Variants in GTF2I observed in about 807,000 individuals in gnomAD.
The protein encoded by GTF2I is general transcription factor II-I.
Under a neutral mutation model 67.6 loss-of-function variants are expected in GTF2I, and 12 were observed. That is an observed-to-expected ratio of 0.18 (90% CI 0.11 to 0.29). The LOEUF is 0.29. Among genes scored for constraint, GTF2I ranks in the 10% least tolerant of loss-of-function variants. The pLI is 1.00. For synonymous variants in GTF2I, 149 were observed against 197.0 expected, an observed-to-expected ratio of 0.76 and a Z score of 2.04; for missense variants, 271 against 580.1, an observed-to-expected ratio of 0.47 and a Z score of 5.47.
intron 1 of GTF2I, among the ~76,000 whole-genome samples, chr7:74,663,331 G>A (rs1804681834): frequency 6.6e-6 from 1 of 152,148 alleles, no homozygotes; most frequent in African/African-American, 2.4e-5. Context: ...TGTGGCCCAG[G>A]CTGGAGTGCA....
chr7:74,675,925 G>A (rs587650142), intron 1 of GTF2I, among the ~76,000 whole-genome samples: 83 of 152,194 alleles, frequency 5.5e-4, no homozygotes, highest in African/African-American at 1.9e-3. Flanking sequence ...CAGGAGAATC[G>A]CTTGAACCCG....
intron 9 of GTF2I, among the ~76,000 whole-genome samples, chr7:74,712,470 G>A (rs1374887926): frequency 1.4e-5 from 2 of 148,128 alleles, no homozygotes; most frequent in East Asian, 2.0e-4. Flanking sequence ...GCTTTACTAC[G>A]TAAATATTCT....
intron 12 of GTF2I, chr7:74,727,247 A>G (rs1554405895): frequency 6.6e-6 from 1 of 152,226 alleles, no homozygotes; most frequent in African/African-American, 2.4e-5. Flanking sequence ...GAAGAGCCCA[A>G]AGGCAGCAAG....
At chr7:74,691,950 T>C (rs1206305187) in intron 3 of GTF2I, among the ~76,000 whole-genome samples, 3 of 149,546 alleles carry the variant, frequency 2.0e-5, no homozygotes, top group African/African-American at 4.9e-5. Flanking sequence ...CTAATTTTTG[T>C]AATTTTAGTA....
intron 3 of GTF2I, among the ~76,000 whole-genome samples, chr7:74,693,652 C>T (rs1180145212): frequency 6.6e-6 from 1 of 152,000 alleles, no homozygotes; most frequent in Non-Finnish European, 1.5e-5. Context: ...CGAGACCATC[C>T]TGGCCAACAT....
intron 3 of GTF2I, among the ~76,000 whole-genome samples, chr7:74,695,073 C>T (rs1554398045): frequency 6.6e-6 from 1 of 152,238 alleles, no homozygotes; most frequent in African/African-American, 2.4e-5. Context: ...TGCTCACAGT[C>T]ACTCACAGAG....
At chr7:74,661,011 T>C (rs1554386315) in intron 1 of GTF2I, among the ~76,000 whole-genome samples, 1 of 152,216 alleles carries the variant, frequency 6.6e-6, no homozygotes, top group African/African-American at 2.4e-5. Context: ...GTATTTTTCT[T>C]ATTTAATCTT....
intron 3 of GTF2I, among the ~76,000 whole-genome samples, chr7:74,694,536 G>A (rs1187323679): frequency 6.6e-6 from 1 of 152,070 alleles, no homozygotes; most frequent in Non-Finnish European, 1.5e-5. Flanking sequence ...GCAGTGAGCT[G>A]AGATCTCGCC....
intron 1 of GTF2I, among the ~76,000 whole-genome samples, chr7:74,665,265 T>C (rs1049204698): frequency 3.3e-5 from 5 of 151,832 alleles, no homozygotes; most frequent in Non-Finnish European, 7.4e-5. Flanking sequence ...TTATTTTTAT[T>C]TTTTGAGACA....
intron 3 of GTF2I, among the ~76,000 whole-genome samples, chr7:74,696,610 C>T (rs1044392579): frequency 5.3e-5 from 8 of 151,916 alleles, no homozygotes; most frequent in Admixed American, 6.6e-5. Context: ...CTTCTGCCTC[C>T]GCCTCCCAAG....
In GTF2I at chr7:74,700,386, A is replaced by G; in HGVS notation, c.513A>G (p.Lys171=). The G allele has an allele frequency of 6.2e-7, 1 of 1,614,182 alleles. No individual in the cohort carries two copies. Among genetic ancestry groups the G allele is most frequent in the Non-Finnish European group, 8.5e-7 (1 of 1,180,030 alleles). ...HPENYDLATL[K]WILENKAGIS... ...AGAACTATGATCTTGCAACCCTGAA[A>G]TGGATTTTGGAGAACAAAGCAGGGA... Residue 171 remains lysine, a synonymous_variant, in exon 5 of 35, where the codon AAA becomes AAG. Transcript: ENST00000573035.
At chr7:74,681,601 C>T (rs1350808425) in intron 1 of GTF2I, among the ~76,000 whole-genome samples, 5 of 151,974 alleles carry the variant, frequency 3.3e-5, no homozygotes, top group African/African-American at 1.2e-4. Flanking sequence ...CACATATGCC[C>T]AGATCTTTTA....
At chr7:74,708,906 T>G (rs1401708729) in intron 8 of GTF2I, among the ~76,000 whole-genome samples, 1 of 152,182 alleles carries the variant, frequency 6.6e-6, no homozygotes, top group Non-Finnish European at 1.5e-5. Flanking sequence ...TACAAAGAAA[T>G]CCATTTTTAC....
intron 10 of GTF2I, among the ~76,000 whole-genome samples, chr7:74,715,683 G>A (rs1415698708): frequency 6.6e-6 from 1 of 152,002 alleles, no homozygotes; most frequent in Non-Finnish European, 1.5e-5. Context: ...GAAGTGTGTA[G>A]AGAAAGCATA....
intron 12 of GTF2I, among the ~76,000 whole-genome samples, chr7:74,725,195 A>AT (rs1554405416): frequency 1.3e-5 from 2 of 151,964 alleles, no homozygotes; most frequent in East Asian, 1.9e-4. Flanking sequence ...CGAGAAACCC[A>AT]TTTTTTTTCT....
rs1187116816 is a variant in GTF2I at position 74,680,093 on chromosome 7, A to AT, written c.-5-9031_-5-9030insT. Among the ~76,000 whole-genome samples, 548 of 99,074 alleles carry AT rather than the reference A, an allele frequency of 5.5e-3. 3 individuals are homozygous for AT. The highest frequency in any genetic ancestry group is 7.2e-3 in the South Asian group (25 of 3,470). 65.0% of individuals were successfully genotyped at this position (99,074 alleles called of 152,430 possible). A position where few individuals can be genotyped will look rare whatever the true frequency, so the allele number is the denominator to read the frequency against. On this transcript the variant is annotated intron_variant, in intron 1 of 34. Coordinates refer to ENST00000573035, the MANE Select transcript of GTF2I (RefSeq NM_032999.4). ...AGAGTCCATCTCAAAAAAAAAAAAA[A>AT]AAAAAAATATATATATATATATATG...
At chr7:74,717,330 TC>T (rs1258834197) in intron 11 of GTF2I, among the ~76,000 whole-genome samples, 122,133 of 152,096 alleles carry the variant, frequency 0.8, 49,205 homozygotes, top group East Asian at 0.95. Flanking sequence ...TTTTAATACT[TC>T]TAGTCTCTTA....
At chr7:74,669,838 C>G (rs1294922202) in intron 1 of GTF2I, among the ~76,000 whole-genome samples, 2 of 152,106 alleles carry the variant, frequency 1.3e-5, no homozygotes, top group Non-Finnish European at 2.9e-5. Context: ...GCCAAGGTGA[C>G]TTTTTAAAGT....
At chr7:74,710,630 A>G (rs1391182253) in intron 8 of GTF2I, among the ~76,000 whole-genome samples, 1 of 152,238 alleles carries the variant, frequency 6.6e-6, no homozygotes, top group Non-Finnish European at 1.5e-5. Context: ...GTATCTCATT[A>G]TTGAAATTGT....
Sources: allele counts gnomAD v4.1 joint callset (sites outside exome capture counted in the v4.1 genomes callset), GRCh38; gene constraint gnomAD v4.1.1; transcripts MANE v1.5; gene names NCBI Gene and HGNC (gene_info 2026-07-23, HGNC 2026-07-21).